Variants in SDE2 observed in about 807,000 individuals in gnomAD.
SDE2 encodes splicing regulator SDE2.
In SDE2, 31 loss-of-function variants were observed where a neutral mutation model predicts 46.9. The observed-to-expected ratio is 0.66, with a 90% CI of 0.50 to 0.89. The LOEUF is 0.89. SDE2 is among the 40% of genes least tolerant of loss of function. The pLI is 0.00. For synonymous variants in SDE2, 205 were observed against 204.3 expected, an observed-to-expected ratio of 1.00 and a Z score of -0.03; for missense variants, 542 against 564.4, an observed-to-expected ratio of 0.96 and a Z score of 0.40.
rs371043746 is a variant in SDE2 at position 225,995,349 on chromosome 1, T to C, written c.155A>G (p.Asn52Ser). The change falls in exon 2 of 7, where the codon AAT (asparagine) becomes AGT (serine). Residue 52 changes from asparagine (N) to serine (S), a missense_variant. Asn to Ser is a conservative substitution (Grantham distance 46). Around this residue, in one of 3 missense-constraint regions of SDE2, gnomAD observed 135 missense variants for 106.5 expected, o/e 1.27. Coordinates refer to ENST00000272091, the MANE Select transcript of SDE2 (RefSeq NM_152608.4). Reference sequence around the variant, plus strand: ...GTCACTGGTGTTAATGAGTGCTCCATTGCATTTCACAAAGAAGTTTTCCAC... The same window carrying C: ...GTCACTGGTGTTAATGAGTGCTCCACTGCATTTCACAAAGAAGTTTTCCAC... ...VPVENFFVKC[N>S]GALINTSDTV... 99 of 1,612,000 alleles carry C rather than the reference T, an allele frequency of 6.1e-5. No individual in the cohort carries two copies. The South Asian group carries it at 7.1e-4, about 12-fold the overall frequency.
rs530858449 is a variant in SDE2, at chr1:225,986,217, G to A, written c.1135-694C>T. ...GGTGGTGCGTGCCTGTAGTCTCAGC[G>A]TGCCTGTAGTCTCAGCTACTTGGGA... is the stretch of plus-strand genomic sequence containing the variant. On this transcript the variant is annotated intron_variant, in intron 6 of 6. Transcript: ENST00000272091. Among the ~76,000 whole-genome samples the A allele has an allele frequency of 7.2e-5, 11 of 151,762 alleles. No homozygotes were observed. The South Asian group carries it at 1.2e-3, about 17-fold the overall frequency.
intron 4 of SDE2, among the ~76,000 whole-genome samples, chr1:225,991,642 C>T (rs1656403674): frequency 6.6e-6 from 1 of 152,118 alleles, no homozygotes; most frequent in Non-Finnish European, 1.5e-5. Flanking sequence ...TTTATCCCTG[C>T]GTTAGTTATT....
intron 6 of SDE2, among the ~76,000 whole-genome samples, chr1:225,986,805 C>T (rs1656279815): frequency 6.6e-6 from 1 of 152,146 alleles, no homozygotes; most frequent in East Asian, 1.9e-4. Context: ...TAAAAAAATT[C>T]CAATAGTCTC....
intron 1 of SDE2, among the ~76,000 whole-genome samples, chr1:225,998,143 G>C (rs763655592): frequency 1.3e-5 from 2 of 152,054 alleles, no homozygotes; most frequent in Non-Finnish European, 2.9e-5. Flanking sequence ...GGGGGAGGGG[G>C]AGAAAAGAAC....
At chr1:225,993,588 G>C (rs987312306) in intron 2 of SDE2, among the ~76,000 whole-genome samples, 1 of 151,662 alleles carries the variant, frequency 6.6e-6, no homozygotes, top group African/African-American at 2.4e-5. Context: ...CTCCAGCCTG[G>C]GAAACAGAGC....
intron 5 of SDE2, 22 bp from the exon 6 acceptor site, chr1:225,988,410 T>C: frequency 6.2e-7 from 1 of 1,611,232 alleles, no homozygotes; most frequent in South Asian, 1.1e-5. Flanking sequence ...AACAGAAAGG[T>C]TTAACAGCGT....
At position 225,990,966 on chromosome 1, in the gene SDE2, C is replaced by T. The variant is rs571395883; in HGVS notation, c.641+277G>A. Among the ~76,000 whole-genome samples, 11 of 152,152 alleles carry T rather than the reference C, an allele frequency of 7.2e-5. No homozygotes were observed. The South Asian group carries it at 1.0e-3, about 14-fold the overall frequency. On this transcript the variant is annotated intron_variant, in intron 5 of 6. Transcript: ENST00000272091. ...CACCTAGAATTTCTAAAAGTTAAAC[C>T]CCTTCAACACCAAAAAAGTAATTCA... is the stretch of plus-strand genomic sequence containing the variant.
chr1:225,991,420 C>T (rs1004042869), intron 4 of SDE2, 57 bp from the exon 5 acceptor site: 1 of 1,397,570 alleles, frequency 7.2e-7, no homozygotes, highest in Non-Finnish European at 9.9e-7. Flanking sequence ...TTAAAGAAAT[C>T]ATAAATAACA....
chr1:225,988,007 C>G lies in SDE2; in HGVS notation c.1023G>C (p.Lys341Asn). The stretch of plus-strand genomic sequence containing the variant: ...CAGTCCTTTCTTCTGTCTCTTTATC[C>G]TTATTCAGTCCAGCCCCAGTGGGCT... ...EEEPTGAGLNKDKETEERTDG... is the reference protein window; with the variant it reads ...EEEPTGAGLNNDKETEERTDG... Residue 341 changes from lysine (K) to asparagine (N), a missense_variant, in exon 6 of 7, where the codon AAG becomes AAC. Physicochemically the swap from Lys to Asn is moderately conservative, Grantham distance 94. Coordinates refer to ENST00000272091, the MANE Select transcript of SDE2 (RefSeq NM_152608.4). The G allele has an allele frequency of 6.2e-7, 1 of 1,614,188 alleles. No individual in the cohort carries two copies. The highest frequency in any genetic ancestry group is 1.1e-5 in the South Asian group (1 of 91,086).
chr1:225,997,274 T>A (rs928229127), intron 1 of SDE2, among the ~76,000 whole-genome samples: 1 of 152,178 alleles, frequency 6.6e-6, no homozygotes, highest in African/African-American at 2.4e-5. Flanking sequence ...ACTAACTTCA[T>A]CATGTCTCAG....
Position 225,982,820 on chromosome 1 carries a change from T to C in SDE2, c.*2482A>G, listed in dbSNP as rs1656160188. ...ACTTACAATATTTAAATATGTAGAT[T>C]TAATATGTATGACAACTACAGCATA... On this transcript the variant is annotated 3_prime_UTR_variant, in exon 7 of 7. Transcript: ENST00000272091. 1 of 152,140 alleles carries C rather than the reference T, an allele frequency of 6.6e-6. No individual in the cohort carries two copies. Among genetic ancestry groups the C allele is most frequent in the African/African-American group, 2.4e-5 (1 of 41,450 alleles). The allele number at this position is 152,140 out of a possible 1,614,324, so 9.4% of individuals were successfully genotyped here.
chr1:225,992,411 A>C lies in SDE2; in HGVS notation c.507T>G (p.Asp169Glu), dbSNP rs776809784. 1.2e-6 allele frequency: 2 copies of C among 1,613,368 alleles called. No individual in the cohort carries two copies. Among genetic ancestry groups the C allele is most frequent in the Non-Finnish European group, 1.7e-6 (2 of 1,179,792 alleles). The change falls in exon 4 of 7, where the codon GAT becomes GAG. Residue 169 changes from aspartate to glutamate, a missense_variant. This residue lies in a region of SDE2 where 401 missense variants were observed against 437.8 expected (regional missense o/e 0.92). Coordinates refer to ENST00000272091, the MANE Select transcript of SDE2 (RefSeq NM_152608.4). ...CCTCATTCTCACCTTTGAGGACGGA[A>C]TCCTCCAGACGCTCAGCCATCTCAT... ...QCHEMAERLE[D>E]SVLKGMQAAS...
chr1:225,996,241 T>C (rs1047861154), intron 1 of SDE2, among the ~76,000 whole-genome samples: 2 of 152,192 alleles, frequency 1.3e-5, no homozygotes, highest in Non-Finnish European at 2.9e-5. Context: ...ACTATTCTTG[T>C]CTTTAAAATA....
rs1011312995 is a variant in SDE2 at position 225,991,232 on chromosome 1, G to C, written c.641+11C>G. On this transcript the variant is annotated intron_variant, in intron 5 of 6. Transcript: ENST00000272091. ...TCAAAGATCAATTGGGAACGAAAGTGAAACACTTACCAGAAGCATCTCCTC... is the reference window on the plus strand; with the variant it reads ...TCAAAGATCAATTGGGAACGAAAGTCAAACACTTACCAGAAGCATCTCCTC... 6 of 1,611,502 alleles carry C rather than the reference G, an allele frequency of 3.7e-6. No individual in the cohort carries two copies. Among genetic ancestry groups the C allele is most frequent in the African/African-American group, 1.3e-5 (1 of 74,870 alleles).
chr1:225,987,342 C>T (rs138011725), intron 6 of SDE2, among the ~76,000 whole-genome samples: 250 of 152,220 alleles, frequency 1.6e-3, no homozygotes, highest in Non-Finnish European at 2.4e-3. Flanking sequence ...CGTGAGCCAC[C>T]GCACCTGGCT....
intron 4 of SDE2, among the ~76,000 whole-genome samples, chr1:225,992,047 C>T (rs984084624): frequency 1.3e-5 from 2 of 152,062 alleles, no homozygotes. Context: ...GGCGTGGTGG[C>T]GTGTGCCTGT....
rs958311935 is a variant in SDE2 at position 225,984,226 on chromosome 1, A to C, written c.*1076T>G. 23 of 152,028 alleles carry C rather than the reference A, an allele frequency of 1.5e-4. No homozygotes were observed. The highest frequency in any genetic ancestry group is 5.3e-4 in the African/African-American group (22 of 41,368). 9.4% of individuals were successfully genotyped at this position (152,028 alleles called of 1,614,324 possible). A position where few individuals can be genotyped will look rare whatever the true frequency, so the allele number is the denominator to read the frequency against. ...CGTACCATTGCACTCTAGCCTGGGCAACAAAAGCGAAATTCCATCTCAAAA... is the reference window on the plus strand; with the variant it reads ...CGTACCATTGCACTCTAGCCTGGGCCACAAAAGCGAAATTCCATCTCAAAA... On this transcript the variant is annotated 3_prime_UTR_variant, in exon 7 of 7. Coordinates refer to ENST00000272091, the MANE Select transcript of SDE2 (RefSeq NM_152608.4).
At chr1:225,996,983 T>A (rs1656540868) in intron 1 of SDE2, among the ~76,000 whole-genome samples, 1 of 152,150 alleles carries the variant, frequency 6.6e-6, no homozygotes, top group Non-Finnish European at 1.5e-5. Context: ...GTGGGAAGGT[T>A]CCCTCTTATT....
Position 225,985,174 on chromosome 1 carries a change from G to C in SDE2, c.*128C>G. The C allele has an allele frequency of 3.0e-6, 2 of 675,176 alleles. No homozygotes were observed. Among genetic ancestry groups the C allele is most frequent in the Non-Finnish European group, 5.2e-6 (2 of 388,238 alleles). 41.8% of individuals were successfully genotyped at this position (675,176 alleles called of 1,614,324 possible). A position where few individuals can be genotyped will look rare whatever the true frequency, so the allele number is the denominator to read the frequency against. On this transcript the variant is annotated 3_prime_UTR_variant, in exon 7 of 7. Coordinates refer to ENST00000272091, the MANE Select transcript of SDE2 (RefSeq NM_152608.4). ...TCTACAGCCCTGACAAGGAAAAAGGGGATAGTTAGAATTGGGTTACTAAAA... is the reference window on the plus strand; with the variant it reads ...TCTACAGCCCTGACAAGGAAAAAGGCGATAGTTAGAATTGGGTTACTAAAA...
Sources: allele counts gnomAD v4.1 joint callset (sites outside exome capture counted in the v4.1 genomes callset), GRCh38; gene constraint gnomAD v4.1.1; regional missense constraint gnomAD v4.1.1; transcripts MANE v1.5; gene names NCBI Gene and HGNC (gene_info 2026-07-23, HGNC 2026-07-21).